The following MYO5B variants were observed in gnomAD, a reference collection of about 807,000 sequenced individuals.
MYO5B encodes unconventional myosin-Vb.
MYO5B carries 143 observed loss-of-function variants against 229.3 expected under a neutral mutation model. The ratio of observed to expected loss-of-function variants is 0.62; its 90% CI spans 0.54 to 0.72. The LOEUF is 0.72. Among genes scored for constraint, MYO5B ranks in the 30% least tolerant of loss-of-function variants. MYO5B has a pLI of 0.00. For missense variants in MYO5B, 2,321 were observed against 2,331.0 expected (o/e 1.00, Z 0.09); for synonymous variants, 918 against 885.2 (o/e 1.04, Z -0.66).
intron 1 of MYO5B, among the ~76,000 whole-genome samples, chr18:50,143,610 T>C (rs2032451893): frequency 1.3e-5 from 2 of 152,080 alleles, no homozygotes; most frequent in Admixed American, 1.3e-4. Context: ...TAAGGAAGAA[T>C]AAAAAGTTCT....
chr18:49,983,529 T>C (rs1413388045), intron 8 of MYO5B, among the ~76,000 whole-genome samples: 2 of 152,214 alleles, frequency 1.3e-5, no homozygotes, highest in Non-Finnish European at 2.9e-5. Context: ...AGGCCTCTCT[T>C]ACCTTTATTG....
At chr18:49,894,221 G>T (rs1666665359) in intron 22 of MYO5B, among the ~76,000 whole-genome samples, 1 of 148,674 alleles carries the variant, frequency 6.7e-6, no homozygotes, top group South Asian at 2.2e-4. Context: ...CCCATTGATG[G>T]ACAAACACTG....
chr18:50,085,113 T>C (rs148132768), intron 1 of MYO5B, among the ~76,000 whole-genome samples: 16,289 of 152,004 alleles, frequency 0.11, 1,687 homozygotes, highest in African/African-American at 0.27. Context: ...AAACTACCAT[T>C]GGAGTGAACA....
intron 33 of MYO5B, 82 bp from the exon 34 acceptor site, chr18:49,843,474 G>C (rs139580795): frequency 6.6e-7 from 1 of 1,510,934 alleles, no homozygotes; most frequent in Non-Finnish European, 9.2e-7. Context: ...CTGAATAGAC[G>C]TGTTTTCAAT....
At chr18:49,962,445 C>T in intron 11 of MYO5B, 39 bp from the exon 12 acceptor site, 1 of 1,613,788 alleles carries the variant, frequency 6.2e-7, no homozygotes, top group Non-Finnish European at 8.5e-7. Context: ...GAACTGCAGG[C>T]ACACCTTAAC....
intron 4 of MYO5B, among the ~76,000 whole-genome samples, chr18:50,002,623 G>A (rs551809893): frequency 7.2e-5 from 11 of 152,256 alleles, no homozygotes; most frequent in African/African-American, 2.4e-4. Context: ...TTCGGGAAAC[G>A]GTTTGTAAGT....
intron 6 of MYO5B, among the ~76,000 whole-genome samples, chr18:49,991,989 A>C (rs2025938850): frequency 6.6e-6 from 1 of 152,224 alleles, no homozygotes; most frequent in Non-Finnish European, 1.5e-5. Context: ...TCCATAAGGA[A>C]AAGTTCTGTC....
intron 17 of MYO5B, among the ~76,000 whole-genome samples, chr18:49,918,289 G>C (rs117297922): frequency 1.3e-5 from 2 of 152,292 alleles, no homozygotes. Flanking sequence ...CTTCTCCCTC[G>C]GGCATGTTTC....
intron 1 of MYO5B, among the ~76,000 whole-genome samples, chr18:50,143,176 G>T (rs2032444027): frequency 6.6e-6 from 1 of 152,306 alleles, no homozygotes; most frequent in Non-Finnish European, 1.5e-5. Context: ...CACTAAGAAG[G>T]TCATTGACAA....
At chr18:49,995,465 T>C (rs1236915845) in intron 5 of MYO5B, among the ~76,000 whole-genome samples, 1 of 151,882 alleles carries the variant, frequency 6.6e-6, no homozygotes, top group Admixed American at 6.6e-5. Flanking sequence ...TTCACCGTGT[T>C]AGCCAGGATG....
chr18:50,094,069 C>T (rs545974716), intron 1 of MYO5B, among the ~76,000 whole-genome samples: 12 of 152,304 alleles, frequency 7.9e-5, no homozygotes, highest in Non-Finnish European at 1.0e-4. Flanking sequence ...ACTCTAGATT[C>T]GCCTCGAATT....
At position 49,825,083 on chromosome 18, in the gene MYO5B, A is replaced by C. The variant is rs192241206; in HGVS notation, c.*1388T>G. 6.6e-6 allele frequency: 1 copy of C among 152,350 alleles called. No homozygotes were observed. The highest frequency in any genetic ancestry group is 1.9e-4 in the East Asian group (1 of 5,186). 9.4% of individuals were successfully genotyped at this position (152,350 alleles called of 1,614,324 possible). A position where few individuals can be genotyped will look rare whatever the true frequency, so the allele number is the denominator to read the frequency against. On this transcript the variant is annotated 3_prime_UTR_variant, in exon 40 of 40. Coordinates refer to ENST00000285039, the MANE Select transcript of MYO5B (RefSeq NM_001080467.3). ...TTCATGGATAAATCTTATTTTCTCA[A>C]TGTAATACAGAGGCTGTTCTTCCAT...
At position 50,001,339 on chromosome 18, in the gene MYO5B, G is replaced by A. The variant is rs545959462; in HGVS notation, c.528C>T (p.Ala176=). 2.5e-5 allele frequency: 41 copies of A among 1,614,036 alleles called. No individual in the cohort carries two copies. Among genetic ancestry groups the A allele is most frequent in the Non-Finnish European group, 3.1e-5 (37 of 1,180,034 alleles). The change falls in exon 5 of 40, where the codon GCC becomes GCT. Residue 176 remains alanine, a synonymous_variant. Coordinates refer to ENST00000285039, the MANE Select transcript of MYO5B (RefSeq NM_001080467.3). ...GAGKTVSAKY[A]MRYFATVGGS... is the part of the protein sequence containing the mutation. ...CACCAACGGTGGCGAAATAGCGCATGGCATACTTGGCTGATACCGTCTTCC... is the reference window on the plus strand; with the variant it reads ...CACCAACGGTGGCGAAATAGCGCATAGCATACTTGGCTGATACCGTCTTCC...
chr18:50,190,763 C>A (rs553565008), intron 1 of MYO5B, among the ~76,000 whole-genome samples: 2 of 152,324 alleles, frequency 1.3e-5, no homozygotes, highest in Non-Finnish European at 2.9e-5. Context: ...TCTTACTGAA[C>A]AGTATTTAAT....
chr18:49,977,127 A>G (rs2025760057), intron 9 of MYO5B, among the ~76,000 whole-genome samples: 1 of 152,076 alleles, frequency 6.6e-6, no homozygotes, highest in Non-Finnish European at 1.5e-5. Context: ...CCGGCTTTTA[A>G]CCACCACAGT....
intron 1 of MYO5B, among the ~76,000 whole-genome samples, chr18:50,155,187 C>T (rs564192224): frequency 6.6e-6 from 1 of 152,320 alleles, no homozygotes; most frequent in East Asian, 1.9e-4. Context: ...TACGAGGCAG[C>T]TACGTGGCAC....
At chr18:49,907,576 A>G (rs1186998964) in intron 18 of MYO5B, among the ~76,000 whole-genome samples, 2 of 152,254 alleles carry the variant, frequency 1.3e-5, no homozygotes, top group Non-Finnish European at 2.9e-5. Flanking sequence ...CATGAAGACC[A>G]TAATGAGAAA....
rs574362586 is a variant in MYO5B, at chr18:50,059,477, G to A, written c.28-4099C>T. Among the ~76,000 whole-genome samples, 6 of 152,320 alleles carry A rather than the reference G, an allele frequency of 3.9e-5. No individual in the cohort carries two copies. In the East Asian group the frequency reaches 9.6e-4, roughly 24 times the overall value. On this transcript the variant is annotated intron_variant, in intron 1 of 39. Coordinates refer to ENST00000285039, the MANE Select transcript of MYO5B (RefSeq NM_001080467.3). ...GACTTTGGAAGAGAGAAAGTTGGTA[G>A]CCAAATTCTTCCATGATGTTGAAAA...
intron 19 of MYO5B, among the ~76,000 whole-genome samples, chr18:49,905,195 G>A (rs573458437): frequency 6.6e-6 from 1 of 152,238 alleles, no homozygotes; most frequent in Non-Finnish European, 1.5e-5. Flanking sequence ...ATTGCTGCCT[G>A]TCCTCTGTAC....
Sources: allele counts gnomAD v4.1 joint callset (sites outside exome capture counted in the v4.1 genomes callset), GRCh38; gene constraint gnomAD v4.1.1; transcripts MANE v1.5; gene names NCBI Gene and HGNC (gene_info 2026-07-23, HGNC 2026-07-21).